The following ERC2 variants were observed in gnomAD, a reference collection of about 807,000 sequenced individuals.
ERC2 encodes ELKS/RAB6-interacting/CAST family member 2, also known as ERC protein 2.
In ERC2, 42 loss-of-function variants were observed where a neutral mutation model predicts 114.8. That is an observed-to-expected ratio of 0.37 (90% CI 0.29 to 0.47). The LOEUF is 0.47. ERC2 is among the 20% of genes least tolerant of loss of function. ERC2 has a pLI of 0.99. For missense variants in ERC2, 939 were observed against 1,150.7 expected (o/e 0.82, Z 2.66); for synonymous variants, 454 against 425.5 (o/e 1.07, Z -0.82).
chr3:56,431,572 T>C (rs1399855176), intron 2 of ERC2, among the ~76,000 whole-genome samples: 1 of 152,224 alleles, frequency 6.6e-6, no homozygotes, highest in Non-Finnish European at 1.5e-5. Flanking sequence ...CACTGAGATT[T>C]GAAGTTTGTT....
At chr3:56,345,815 CACAT>C (rs1225605289) in intron 2 of ERC2, among the ~76,000 whole-genome samples, 1 of 152,192 alleles carries the variant, frequency 6.6e-6, no homozygotes. Flanking sequence ...GTTGAGCAAA[CACAT>C]GCATGCAATC....
intron 2 of ERC2, among the ~76,000 whole-genome samples, chr3:56,398,544 ATG>A (rs764101429): frequency 1.6e-4 from 25 of 152,162 alleles, no homozygotes; most frequent in Non-Finnish European, 3.4e-4. Context: ...TATCATATAA[ATG>A]TGTGTATATA....
At position 55,883,295 on chromosome 3, in the gene ERC2, T is replaced by C. The variant is rs553714518; in HGVS notation, c.2564+5094A>G. Among the ~76,000 whole-genome samples, 35 of 152,334 alleles carry C rather than the reference T, an allele frequency of 2.3e-4. No homozygotes were observed. In the South Asian group the frequency reaches 4.1e-3, roughly 18 times the overall value. ...AATATTTACTCACTCTAAATCCAGT[T>C]GGCATTTAAAATAAGAGAAGCCAAA... On this transcript the variant is annotated intron_variant, in intron 14 of 17. Coordinates refer to ENST00000288221, the MANE Select transcript of ERC2 (RefSeq NM_015576.3).
chr3:56,056,722 C>T (rs187167207), intron 7 of ERC2, among the ~76,000 whole-genome samples: 6 of 152,072 alleles, frequency 3.9e-5, no homozygotes, highest in East Asian at 1.9e-4. Context: ...GCTCTCTGAC[C>T]GGTTTTGGTC....
chr3:56,080,734 T>C (rs1200140426), intron 7 of ERC2, 83 bp downstream of exon 7: 12 of 1,398,962 alleles, frequency 8.6e-6, no homozygotes, highest in Non-Finnish European at 1.1e-5. Context: ...AAAAGATCAC[T>C]TATTTTCCAT....
chr3:56,148,858 C>G (rs1397087875), intron 5 of ERC2, 119 bp downstream of exon 5: 16 of 878,824 alleles, frequency 1.8e-5, no homozygotes, highest in Non-Finnish European at 2.7e-5. Context: ...CTTTGTTGTC[C>G]ATATATTAAA....
chr3:55,956,055 T>C (rs1281260453), intron 12 of ERC2, among the ~76,000 whole-genome samples: 1 of 152,240 alleles, frequency 6.6e-6, no homozygotes, highest in African/African-American at 2.4e-5. Context: ...ATGTTCACTC[T>C]TTCACTCTTA....
intron 7 of ERC2, among the ~76,000 whole-genome samples, chr3:56,069,506 G>T (rs1053811210): frequency 6.6e-6 from 1 of 152,088 alleles, no homozygotes; most frequent in Admixed American, 6.6e-5. Context: ...GTATTACAAG[G>T]GTGAAATCAA....
At chr3:55,594,443 A>G (rs1008233623) in intron 17 of ERC2, among the ~76,000 whole-genome samples, 6 of 140,354 alleles carry the variant, frequency 4.3e-5, no homozygotes, top group Non-Finnish European at 9.2e-5. Context: ...GTGCCCAAAT[A>G]GAAACTGGGA....
intron 2 of ERC2, among the ~76,000 whole-genome samples, chr3:56,377,827 A>G (rs1220756345): frequency 2.0e-5 from 3 of 151,848 alleles, no homozygotes; most frequent in East Asian, 1.9e-4. Context: ...AATTCAGCCT[A>G]GGCAACATAG....
chr3:56,109,745 T>A (rs2078861054), intron 6 of ERC2, among the ~76,000 whole-genome samples: 1 of 152,210 alleles, frequency 6.6e-6, no homozygotes, highest in Non-Finnish European at 1.5e-5. Flanking sequence ...ACTTTGTACA[T>A]GTATTGTACT....
intron 2 of ERC2, among the ~76,000 whole-genome samples, chr3:56,414,198 C>T (rs2061053993): frequency 6.6e-6 from 1 of 152,178 alleles, no homozygotes; most frequent in South Asian, 2.1e-4. Context: ...AGTGGTGGCA[C>T]CTTAATCTAC....
intron 17 of ERC2, among the ~76,000 whole-genome samples, chr3:55,531,749 C>G (rs1333898130): frequency 6.6e-6 from 1 of 152,204 alleles, no homozygotes; most frequent in Non-Finnish European, 1.5e-5. Flanking sequence ...ATTCCCCTTC[C>G]TGGCTGCCTT....
At chr3:55,935,906 C>G (rs1023873864) in intron 13 of ERC2, among the ~76,000 whole-genome samples, 7 of 152,222 alleles carry the variant, frequency 4.6e-5, no homozygotes, top group Non-Finnish European at 8.8e-5. Context: ...CAAATGCCAA[C>G]AAGAATGCCT....
At chr3:56,289,321 C>T (rs2054928963) in intron 3 of ERC2, among the ~76,000 whole-genome samples, 1 of 152,198 alleles carries the variant, frequency 6.6e-6, no homozygotes, top group Non-Finnish European at 1.5e-5. Context: ...ATGGCCACCA[C>T]CCAGATTCAC....
intron 6 of ERC2, among the ~76,000 whole-genome samples, chr3:56,133,436 C>G (rs760693872): frequency 1.3e-5 from 2 of 151,700 alleles, no homozygotes; most frequent in Non-Finnish European, 2.9e-5. Flanking sequence ...GACCCCGCTG[C>G]AAAAAAATAA....
chr3:56,195,014 T>C (rs1016208829), intron 3 of ERC2, among the ~76,000 whole-genome samples: 8 of 152,210 alleles, frequency 5.3e-5, no homozygotes, highest in Admixed American at 3.9e-4. Flanking sequence ...ACTATTATAT[T>C]ACCTATGATG....
chr3:56,344,817 T>C (rs1178667278), intron 2 of ERC2, among the ~76,000 whole-genome samples: 2 of 152,184 alleles, frequency 1.3e-5, no homozygotes, highest in Admixed American at 6.5e-5. Flanking sequence ...CTATTCACCA[T>C]TAGGTGTCTC....
At chr3:56,123,734 TTAAATA>T (rs1461848306) in intron 6 of ERC2, among the ~76,000 whole-genome samples, 2 of 152,184 alleles carry the variant, frequency 1.3e-5, no homozygotes, top group African/African-American at 4.8e-5. Flanking sequence ...ACCCCTTTGC[TTAAATA>T]CCTCCTGTGG....
Sources: allele counts gnomAD v4.1 joint callset (sites outside exome capture counted in the v4.1 genomes callset), GRCh38; gene constraint gnomAD v4.1.1; transcripts MANE v1.5; gene names NCBI Gene and HGNC (gene_info 2026-07-23, HGNC 2026-07-21).